Variants in MGAM observed in about 807,000 individuals in gnomAD.
The protein encoded by MGAM is alpha-1,4-glucosidase.
Under a neutral mutation model 358.8 loss-of-function variants are expected in MGAM, and 253 were observed. The observed-to-expected ratio is 0.71, with a 90% CI of 0.64 to 0.78. The LOEUF is 0.78. Ranked by LOEUF, MGAM falls within the 30% of genes least tolerant of loss-of-function variation. The pLI, the probability that MGAM is intolerant of heterozygous loss-of-function variation, is 0.00. For synonymous variants in MGAM, 1,105 were observed against 1,227.1 expected, an observed-to-expected ratio of 0.90 and a Z score of 2.08; for missense variants, 3,080 against 3,432.6, an observed-to-expected ratio of 0.90 and a Z score of 2.57.
Position 142,041,981 on chromosome 7 carries a change from TAATATAA to T in MGAM, c.2498+1136_2498+1142del, listed in dbSNP as rs1563145267. On this transcript the variant is annotated intron_variant, in intron 21 of 70. Transcript: ENST00000475668. ...ATAATATATATATATTATATATATA[TAATATAA>T]TATATATATATTATATATATAATAT... Among the ~76,000 whole-genome samples, 63 of 13,262 alleles carry T rather than the reference TAATATAA, an allele frequency of 4.8e-3. 4 individuals are homozygous for T. The highest frequency in any genetic ancestry group is 0.014 in the African/African-American group (61 of 4,368). 8.7% of individuals were successfully genotyped at this position (13,262 alleles called of 152,430 possible).
rs377088094 is a variant in MGAM, at chr7:142,052,396, G to T, written c.2908G>T (p.Glu970Ter). ...DEEKIDCYPD[E>*]NGASAENCTA... ...AGAAAAAATAGACTGTTACCCTGAT[G>T]AGAATGGTGCTTCTGCCGAAAACTG... Residue 970 changes from glutamate to a stop codon, truncating the protein, a stop_gained, in exon 25 of 71, where the codon GAG becomes TAG. Transcript: ENST00000475668. LOFTEE classifies it high-confidence loss of function. The T allele has an allele frequency of 6.2e-7, 1 of 1,613,368 alleles. No homozygotes were observed.
chr7:142,074,647 A>T (rs1813600612), intron 45 of MGAM, among the ~76,000 whole-genome samples: 1 of 146,182 alleles, frequency 6.8e-6, no homozygotes, highest in South Asian at 2.2e-4. Context: ...AAGTTTAGGA[A>T]ATAGATTCCT....
At chr7:142,084,326 T>A (rs1422569613) in intron 53 of MGAM, among the ~76,000 whole-genome samples, 193 bp from the exon 54 acceptor site, 1 of 146,014 alleles carries the variant, frequency 6.8e-6, no homozygotes, top group Non-Finnish European at 1.6e-5. Context: ...CCATAATTTT[T>A]AAGAAGGAGC....
chr7:142,076,926 A>G, intron 47 of MGAM, 100 bp downstream of exon 47: 1 of 1,286,194 alleles, frequency 7.8e-7, no homozygotes, highest in East Asian at 2.4e-5. Context: ...GTACCAGGGC[A>G]CCTTTGATGC....
intron 13 of MGAM, among the ~76,000 whole-genome samples, chr7:142,032,616 G>C (rs991547148): frequency 6.6e-6 from 1 of 152,016 alleles, no homozygotes; most frequent in Non-Finnish European, 1.5e-5. Flanking sequence ...AGCGATTATA[G>C]ACATATTATT....
At chr7:142,051,910 C>T (rs2960745) in intron 24 of MGAM, among the ~76,000 whole-genome samples, 39,690 of 151,898 alleles carry the variant, frequency 0.26, 6,699 homozygotes, top group Non-Finnish European at 0.36. Context: ...TCTACCACTC[C>T]ACGCCAATGG....
chr7:142,094,856 G>C lies in MGAM; in HGVS notation c.7451G>C (p.Gly2484Ala), dbSNP rs1311856968. ...TTCTCAAGAAACCACAACACCATTG[G>C]GACCAGGGTAGGACAGTGGCCCCTA... The part of the protein sequence containing the change: ...YPFSRNHNTI[G>A]TRRQDPVSWD... The change falls in exon 63 of 71, where the codon GGG (glycine) becomes GCG (alanine). Residue 2484 changes from glycine to alanine, a missense_variant. Transcript: ENST00000475668. The C allele has an allele frequency of 1.9e-6, 3 of 1,613,798 alleles. No homozygotes were observed. The highest frequency in any genetic ancestry group is 2.7e-5 in the African/African-American group (2 of 74,892).
At position 142,072,674 on chromosome 7, in the gene MGAM, A is replaced by G. The variant is rs762267532; in HGVS notation, c.5187-1411A>G. ...TGATTTTTTGTTTCATACTGTGATA[A>G]TCTTAAGCATCTAAATGTGGGTCTC... On this transcript the variant is annotated intron_variant, in intron 44 of 70. Transcript: ENST00000475668. 2.2e-4 allele frequency among the ~76,000 whole-genome samples: 32 copies of G among 145,964 alleles called. 9 individuals are homozygous for G. Among genetic ancestry groups the G allele is most frequent in the Non-Finnish European group, 4.8e-4 (31 of 64,448 alleles).
chr7:142,052,358 A>C lies in MGAM; in HGVS notation c.2870A>C (p.Lys957Thr). 1 of 1,611,678 alleles carries C rather than the reference A, an allele frequency of 6.2e-7. No homozygotes were observed. The highest frequency in any genetic ancestry group is 8.5e-7 in the Non-Finnish European group (1 of 1,178,810). The stretch of plus-strand genomic sequence containing the variant: ...GCATACACAGTGGAATGGAGCATAA[A>C]GATAAGGGATGAAGAAAAAATAGAC... ...GEAYTVEWSI[K>T]IRDEEKIDCY... The change falls in exon 25 of 71, where the codon AAG becomes ACG. Residue 957 changes from lysine to threonine, a missense_variant. Physicochemically the swap from Lys to Thr is moderately conservative, Grantham distance 78. Coordinates refer to ENST00000475668, the MANE Select transcript of MGAM (RefSeq NM_001365693.1).
rs941980445 is a variant in MGAM at position 142,087,415 on chromosome 7, A to T, written c.6810+698A>T. 4.8e-5 allele frequency among the ~76,000 whole-genome samples: 7 copies of T among 146,072 alleles called. 1 individual carries two copies. Among genetic ancestry groups the T allele is most frequent in the African/African-American group, 1.7e-4 (7 of 41,088 alleles). On this transcript the variant is annotated intron_variant, in intron 57 of 70. Transcript: ENST00000475668. ...TACATGGCTCCTTACAGGTCTAGGA[A>T]GGCTACGGCCCCATCCTCTGGCCAA...
chr7:142,068,422 G>T (rs1254836109), intron 42 of MGAM, among the ~76,000 whole-genome samples: 1 of 145,268 alleles, frequency 6.9e-6, no homozygotes, highest in African/African-American at 2.4e-5. Context: ...TTTTCCCGAA[G>T]TCCTGGATAT....
At chr7:142,054,585 A>T (rs1252783294) in intron 26 of MGAM, among the ~76,000 whole-genome samples, 169 bp from the exon 27 acceptor site, 1 of 152,168 alleles carries the variant, frequency 6.6e-6, no homozygotes, top group African/African-American at 2.4e-5. Context: ...AATCACAGAA[A>T]AATGTTAAAT....
At chr7:142,071,804 G>T (rs907191491) in intron 44 of MGAM, among the ~76,000 whole-genome samples, 6 of 145,948 alleles carry the variant, frequency 4.1e-5, no homozygotes, top group African/African-American at 7.3e-5. Context: ...ACCCTCAAAA[G>T]TCTATGTCAC....
intron 3 of MGAM, among the ~76,000 whole-genome samples, chr7:142,012,298 A>C (rs909403196): frequency 6.6e-6 from 1 of 152,160 alleles, no homozygotes; most frequent in Non-Finnish European, 1.5e-5. Context: ...TAGAAAGAAC[A>C]AGACCAAGGT....
intron 3 of MGAM, among the ~76,000 whole-genome samples, chr7:142,010,930 A>G (rs1241160879): frequency 5.9e-5 from 9 of 152,172 alleles, no homozygotes; most frequent in African/African-American, 2.2e-4. Context: ...GAAAGATCCC[A>G]TTGATGGCAG....
chr7:142,045,365 TAATA>T (rs1435693884), intron 21 of MGAM, among the ~76,000 whole-genome samples: 1 of 105,122 alleles, frequency 9.5e-6, no homozygotes, highest in Non-Finnish European at 1.8e-5. Flanking sequence ...ACATGATATA[TAATA>T]TATATTATAT....
intron 21 of MGAM, among the ~76,000 whole-genome samples, chr7:142,044,235 A>G (rs1253151282): frequency 1.4e-5 from 2 of 140,456 alleles, no homozygotes; most frequent in African/African-American, 2.5e-5. Flanking sequence ...CATATAATAT[A>G]TACATTATAT....
In MGAM at chr7:142,083,904, T is replaced by C. The variant is rs1372376276; in HGVS notation, c.6381+491T>C. 3.0e-5 allele frequency among the ~76,000 whole-genome samples: 4 copies of C among 134,306 alleles called. No individual in the cohort carries two copies. The East Asian group carries it at 8.3e-4, about 28-fold the overall frequency. The allele number at this position is 134,306 out of a possible 152,430, so 88.1% of individuals were successfully genotyped here. A position where few individuals can be genotyped will look rare whatever the true frequency, so the allele number is the denominator to read the frequency against. ...TTGATAGTGATGGTGGTGGTGGCTA[T>C]GGTGGTGGTAGTGGTGGTGACAGTG... is the stretch of plus-strand genomic sequence containing the variant. On this transcript the variant is annotated intron_variant, in intron 53 of 70. Coordinates refer to ENST00000475668, the MANE Select transcript of MGAM (RefSeq NM_001365693.1).
At chr7:142,073,221 A>T (rs1289724111) in intron 44 of MGAM, among the ~76,000 whole-genome samples, 3 of 146,094 alleles carry the variant, frequency 2.1e-5, no homozygotes, top group Non-Finnish European at 3.1e-5. Flanking sequence ...GTTGTGATTT[A>T]TTAATTTTTG....
Sources: gnomAD v4.1 joint callset for allele counts (sites outside exome capture counted in the v4.1 genomes callset) on GRCh38, gnomAD v4.1.1 for gene constraint, MANE v1.5 for transcripts, NCBI Gene and HGNC (gene_info 2026-07-23, HGNC 2026-07-21) for gene names.